Variants in SLC24A3 observed in about 807,000 individuals in gnomAD.
SLC24A3 encodes the protein sodium/potassium/calcium exchanger 3.
In SLC24A3, 28 loss-of-function variants were observed where a neutral mutation model predicts 75.8. That is an observed-to-expected ratio of 0.37 (90% CI 0.27 to 0.51). The LOEUF is 0.51. SLC24A3 is among the 20% of genes least tolerant of loss of function. The probability of loss-of-function intolerance (pLI) is 0.94; values close to 1 mark genes in which losing one functional copy is unlikely to be tolerated. For missense variants in SLC24A3, 663 were observed against 847.8 expected (o/e 0.78, Z 2.71); for synonymous variants, 372 against 334.1 (o/e 1.11, Z -1.24).
intron 3 of SLC24A3, among the ~76,000 whole-genome samples, chr20:19,533,225 T>C (rs2030333728): frequency 6.6e-6 from 1 of 152,168 alleles, no homozygotes; most frequent in Non-Finnish European, 1.5e-5. Context: ...TGAACATCCA[T>C]GATGGCCCCA....
chr20:19,355,812 C>G (rs60197630), intron 2 of SLC24A3, among the ~76,000 whole-genome samples: 17,184 of 152,102 alleles, frequency 0.11, 2,607 homozygotes, highest in African/African-American at 0.35. Context: ...TTTTGAGATG[C>G]CTGCTACATT....
At chr20:19,245,989 A>T (rs1982474661) in intron 1 of SLC24A3, among the ~76,000 whole-genome samples, 1 of 152,162 alleles carries the variant, frequency 6.6e-6, no homozygotes, top group Admixed American at 6.5e-5. Context: ...GTTTGATTTG[A>T]TGGACATATA....
At chr20:19,272,248 C>G (rs1001806252) in intron 1 of SLC24A3, among the ~76,000 whole-genome samples, 1 of 152,234 alleles carries the variant, frequency 6.6e-6, no homozygotes, top group Admixed American at 6.5e-5. Flanking sequence ...GGTCTGGGAG[C>G]AGTAACTCAG....
intron 3 of SLC24A3, among the ~76,000 whole-genome samples, chr20:19,555,901 A>G (rs896369261): frequency 6.6e-6 from 1 of 152,208 alleles, no homozygotes; most frequent in Non-Finnish European, 1.5e-5. Context: ...GGCTGAAATA[A>G]TTAACAAAAT....
chr20:19,630,854 G>C (rs555238797), intron 6 of SLC24A3, among the ~76,000 whole-genome samples: 1 of 152,188 alleles, frequency 6.6e-6, no homozygotes, highest in African/African-American at 2.4e-5. Flanking sequence ...GGAGGGATGG[G>C]TTTCAATGGA....
intron 2 of SLC24A3, among the ~76,000 whole-genome samples, chr20:19,455,468 T>G (rs1269719415): frequency 6.6e-6 from 1 of 152,178 alleles, no homozygotes; most frequent in African/African-American, 2.4e-5. Context: ...TGTAAACAGA[T>G]TCTTGCATCT....
chr20:19,545,695 T>C (rs1464732930), intron 3 of SLC24A3, among the ~76,000 whole-genome samples: 1 of 152,196 alleles, frequency 6.6e-6, no homozygotes, highest in Non-Finnish European at 1.5e-5. Context: ...TTCCCAGGAC[T>C]GGGACAAAAT....
chr20:19,312,213 C>A (rs1025173109), intron 2 of SLC24A3, among the ~76,000 whole-genome samples: 2 of 152,086 alleles, frequency 1.3e-5, no homozygotes, highest in Non-Finnish European at 2.9e-5. Context: ...ACACAAAGTT[C>A]CATTTTCCCT....
Position 19,721,308 on chromosome 20 carries a change from C to A in SLC24A3, c.*168C>A. ...CCCAGGCTCTCCCCTGACCCATCCT[C>A]GCTCCCCCACCTCCTTGGGTCATGC... is the stretch of plus-strand genomic sequence containing the variant. On this transcript the variant is annotated 3_prime_UTR_variant, in exon 17 of 17. Coordinates refer to ENST00000328041, the MANE Select transcript of SLC24A3 (RefSeq NM_020689.4). 1.4e-6 allele frequency: 1 copy of A among 727,038 alleles called. No individual in the cohort carries two copies. Among genetic ancestry groups the A allele is most frequent in the Non-Finnish European group, 2.2e-6 (1 of 461,944 alleles). The allele number at this position is 727,038 out of a possible 1,614,324, so 45.0% of individuals were successfully genotyped here. A position where few individuals can be genotyped will look rare whatever the true frequency, so the allele number is the denominator to read the frequency against.
chr20:19,220,950 A>T (rs1600380239), intron 1 of SLC24A3, among the ~76,000 whole-genome samples: 1 of 152,224 alleles, frequency 6.6e-6, no homozygotes, highest in East Asian at 1.9e-4. Flanking sequence ...TGAGGTACGA[A>T]ATACACTGTA....
chr20:19,508,900 G>C (rs971956739), intron 2 of SLC24A3, among the ~76,000 whole-genome samples: 1 of 152,226 alleles, frequency 6.6e-6, no homozygotes, highest in Non-Finnish European at 1.5e-5. Context: ...CCTGCCTAGA[G>C]GCACATGCAT....
chr20:19,430,778 A>G (rs1283404700), intron 2 of SLC24A3, among the ~76,000 whole-genome samples: 4 of 150,068 alleles, frequency 2.7e-5, no homozygotes, highest in Non-Finnish European at 5.9e-5. Flanking sequence ...ATGCATGCAC[A>G]CACACACACA....
At chr20:19,215,909 G>C (rs1600378161) in intron 1 of SLC24A3, among the ~76,000 whole-genome samples, 1 of 152,330 alleles carries the variant, frequency 6.6e-6, no homozygotes, top group East Asian at 1.9e-4. Context: ...CATGAGGTCT[G>C]CTTAATTTAG....
At chr20:19,646,137 C>T (rs530744965) in intron 6 of SLC24A3, among the ~76,000 whole-genome samples, 1 of 152,238 alleles carries the variant, frequency 6.6e-6, no homozygotes, top group East Asian at 1.9e-4. Flanking sequence ...GCCCTTTGTC[C>T]TAAAAATATT....
At chr20:19,495,453 G>C (rs558887973) in intron 2 of SLC24A3, among the ~76,000 whole-genome samples, 1 of 152,344 alleles carries the variant, frequency 6.6e-6, no homozygotes, top group African/African-American at 2.4e-5. Context: ...AGTGAATGTA[G>C]CTGGTCAGAC....
At chr20:19,519,553 G>T (rs942312899) in intron 3 of SLC24A3, among the ~76,000 whole-genome samples, 2 of 152,140 alleles carry the variant, frequency 1.3e-5, no homozygotes, top group Non-Finnish European at 2.9e-5. Flanking sequence ...CTTACTAGTG[G>T]GGAAATCCAT....
Position 19,282,382 on chromosome 20 carries a change from T to C in SLC24A3, c.271+1295T>C, listed in dbSNP as rs192105670. The stretch of plus-strand genomic sequence containing the variant: ...AGAATCCAAGGGTTACTGTGGCTGT[T>C]GTTCCATGCTCACAAGGAGCATTTT... On this transcript the variant is annotated intron_variant, in intron 2 of 16. Coordinates refer to ENST00000328041, the MANE Select transcript of SLC24A3 (RefSeq NM_020689.4). Among the ~76,000 whole-genome samples the C allele has an allele frequency of 1.2e-4, 18 of 152,378 alleles. No individual in the cohort carries two copies. The East Asian group carries it at 3.5e-3, about 29-fold the overall frequency.
intron 1 of SLC24A3, among the ~76,000 whole-genome samples, chr20:19,278,630 T>G (rs1983560179): frequency 6.6e-6 from 1 of 152,260 alleles, no homozygotes. Context: ...ACAAATGCCT[T>G]GCTTTAACCT....
At chr20:19,653,608 C>A (rs1172550192) in intron 6 of SLC24A3, among the ~76,000 whole-genome samples, 1 of 152,172 alleles carries the variant, frequency 6.6e-6, no homozygotes. Flanking sequence ...CTCCTCCTAT[C>A]CCCTTGATAT....
Sources: gnomAD v4.1 joint callset for allele counts (sites outside exome capture counted in the v4.1 genomes callset) on GRCh38, gnomAD v4.1.1 for gene constraint, MANE v1.5 for transcripts, NCBI Gene and HGNC (gene_info 2026-07-23, HGNC 2026-07-21) for gene names.